The following FMN1 variants were observed in gnomAD, a reference collection of about 807,000 sequenced individuals.
The protein encoded by FMN1 is formin 1.
A neutral mutation model predicts 132.4 loss-of-function variants in FMN1; 110 were observed. The observed-to-expected ratio is 0.83, with a 90% CI of 0.71 to 0.97. FMN1 has a LOEUF of 0.97. Ranked by LOEUF, FMN1 falls within the 50% of genes least tolerant of loss-of-function variation. FMN1 has a pLI of 0.00. For missense variants in FMN1, 1,792 were observed against 1,705.3 expected (o/e 1.05, Z -0.90); for synonymous variants, 722 against 651.7 (o/e 1.11, Z -1.64).
intron 16 of FMN1, among the ~76,000 whole-genome samples, chr15:32,858,083 C>T (rs986149728): frequency 1.3e-5 from 2 of 152,126 alleles, no homozygotes; most frequent in Non-Finnish European, 2.9e-5. Flanking sequence ...ACCTGGGGTT[C>T]ACAAAATAGA....
At chr15:33,011,728 T>C (rs925090381) in intron 6 of FMN1, among the ~76,000 whole-genome samples, 1 of 152,068 alleles carries the variant, frequency 6.6e-6, no homozygotes, top group Non-Finnish European at 1.5e-5. Context: ...CTAGTGTAAA[T>C]ATATAAATGC....
chr15:33,117,954 T>C (rs1416367804), intron 4 of FMN1, among the ~76,000 whole-genome samples: 1 of 152,176 alleles, frequency 6.6e-6, no homozygotes, highest in Non-Finnish European at 1.5e-5. Flanking sequence ...ATAATACTGT[T>C]TTTCGTGTTC....
chr15:32,823,960 T>C (rs2058301557), intron 17 of FMN1, among the ~76,000 whole-genome samples: 1 of 152,238 alleles, frequency 6.6e-6, no homozygotes. Context: ...ATTGGAACAG[T>C]GTGCCCCTGC....
chr15:32,919,377 GC>G (rs1567392033), intron 10 of FMN1, among the ~76,000 whole-genome samples: 1 of 152,080 alleles, frequency 6.6e-6, no homozygotes, highest in African/African-American at 2.4e-5. Context: ...AATGGCACCC[GC>G]CAAGAAGTTG....
At chr15:32,952,152 A>G (rs2140505692) in intron 9 of FMN1, among the ~76,000 whole-genome samples, 1 of 152,292 alleles carries the variant, frequency 6.6e-6, no homozygotes, top group South Asian at 2.1e-4. Flanking sequence ...TAAGTTTTTC[A>G]GATACCTCCA....
rs1286307994 is a variant in FMN1, at chr15:32,798,216, A to ACACACACCC, written c.4130+587_4130+588insGGGTGTGTG. The stretch of plus-strand genomic sequence containing the variant: ...CACACACACACACACACACACACAC[A>ACACACACCC]CCCCGTCTATATTCAGAGTTGAGGT... On this transcript the variant is annotated intron_variant, in intron 19 of 20. Coordinates refer to ENST00000616417, the MANE Select transcript of FMN1 (RefSeq NM_001277313.2). Among the ~76,000 whole-genome samples, 58 of 140,984 alleles carry ACACACACCC rather than the reference A, an allele frequency of 4.1e-4. 1 individual carries two copies. The highest frequency in any genetic ancestry group is 1.4e-3 in the African/African-American group (54 of 38,554). 92.5% of individuals were successfully genotyped at this position (140,984 alleles called of 152,430 possible).
intron 16 of FMN1, among the ~76,000 whole-genome samples, chr15:32,862,326 CTCTT>C (rs1567288175): frequency 6.6e-6 from 1 of 152,130 alleles, no homozygotes; most frequent in African/African-American, 2.4e-5. Context: ...ACCCCAGGTT[CTCTT>C]TCTGTTATTT....
At chr15:33,053,297 G>C (rs909177817) in intron 6 of FMN1, among the ~76,000 whole-genome samples, 1 of 152,166 alleles carries the variant, frequency 6.6e-6, no homozygotes, top group Non-Finnish European at 1.5e-5. Flanking sequence ...CTTTGGGGTC[G>C]CAGGCACCCC....
chr15:33,153,702 AG>A lies in FMN1; in HGVS notation c.1212del (p.Ser405ProfsTer13). Reference sequence around the variant, plus strand: ...GCACTGGCCGACACACTAGAAATGGAGGCTGTTTCCCCGGCTGGCGACTGCG... The same window carrying A: ...GCACTGGCCGACACACTAGAAATGGAGCTGTTTCCCCGGCTGGCGACTGCG... Reference protein sequence around the residue: ...RSSQSPAGETASISSVSASAE... With the variant: ...RSSQSPAGETXSISSVSASAE... On this transcript the variant is annotated frameshift_variant, in exon 4 of 21. Transcript: ENST00000616417. LOFTEE classifies it high-confidence loss of function. 1 of 1,536,306 alleles carries A rather than the reference AG, an allele frequency of 6.5e-7. No homozygotes were observed. The highest frequency in any genetic ancestry group is 8.7e-7 in the Non-Finnish European group (1 of 1,146,964).
At chr15:32,974,515 A>C (rs570918312) in intron 7 of FMN1, among the ~76,000 whole-genome samples, 1 of 152,244 alleles carries the variant, frequency 6.6e-6, no homozygotes, top group East Asian at 1.9e-4. Flanking sequence ...CTAGTGGCAC[A>C]ATTTTTACCT....
In FMN1 at chr15:33,004,674, C is replaced by A. The variant is rs531694193; in HGVS notation, c.2223+3340G>T. The stretch of plus-strand genomic sequence containing the variant: ...AACTAGAAATACCATTTGACCCAGC[C>A]ATCCCATTACTGGGTACATACCCAA... On this transcript the variant is annotated intron_variant, in intron 7 of 20. Coordinates refer to ENST00000616417, the MANE Select transcript of FMN1 (RefSeq NM_001277313.2). Among the ~76,000 whole-genome samples the A allele has an allele frequency of 5.9e-5, 9 of 152,248 alleles. No homozygotes were observed. In the East Asian group the frequency reaches 1.7e-3, roughly 29 times the overall value.
intron 17 of FMN1, among the ~76,000 whole-genome samples, chr15:32,813,382 G>A (rs1195755225): frequency 2.0e-5 from 3 of 152,110 alleles, no homozygotes; most frequent in Admixed American, 2.0e-4. Flanking sequence ...GGATCTAAAT[G>A]AAGTATATTT....
At chr15:32,908,338 G>A in intron 12 of FMN1, 152 bp downstream of exon 12, 2 of 587,916 alleles carry the variant, frequency 3.4e-6, no homozygotes, top group East Asian at 5.7e-5. Flanking sequence ...CGGCAGCAGG[G>A]TCATCCTGCT....
chr15:32,939,740 T>C (rs1186632836), intron 9 of FMN1, among the ~76,000 whole-genome samples: 1 of 152,206 alleles, frequency 6.6e-6, no homozygotes, highest in Non-Finnish European at 1.5e-5. Flanking sequence ...ATACTGTGCT[T>C]GAAAGAAATC....
intron 17 of FMN1, among the ~76,000 whole-genome samples, chr15:32,847,745 C>T (rs1022200021): frequency 1.3e-5 from 2 of 152,072 alleles, no homozygotes; most frequent in African/African-American, 4.8e-5. Context: ...GTCCCAGCTA[C>T]TCGGGAGGCT....
chr15:33,102,117 T>A (rs546940133), intron 4 of FMN1, among the ~76,000 whole-genome samples: 2 of 152,164 alleles, frequency 1.3e-5, no homozygotes, highest in Admixed American at 1.3e-4. Flanking sequence ...TACTACAGCA[T>A]GTGACGCTCC....
At position 33,080,887 on chromosome 15, in the gene FMN1, CA is replaced by C. The variant is rs34365750; in HGVS notation, c.2043+7911del. Among the ~76,000 whole-genome samples the C allele has an allele frequency of 3.1e-3, 374 of 119,668 alleles. 4 individuals carry two copies. The South Asian group carries it at 0.043, about 14-fold the overall frequency. 78.5% of individuals were successfully genotyped at this position (119,668 alleles called of 152,430 possible). ...GGGCAACAAAAGCAAAACTCCGTCT[CA>C]AAAAAAAAAAAAAATTCCAGAGACT... On this transcript the variant is annotated intron_variant, in intron 5 of 20. Transcript: ENST00000616417.
intron 19 of FMN1, among the ~76,000 whole-genome samples, chr15:32,788,729 T>A (rs1484164572): frequency 6.6e-6 from 1 of 152,248 alleles, no homozygotes; most frequent in Non-Finnish European, 1.5e-5. Flanking sequence ...GCTAGGGAAA[T>A]GGAGTGCGGA....
intron 17 of FMN1, among the ~76,000 whole-genome samples, chr15:32,854,765 T>C (rs146759719): frequency 0.19 from 29,499 of 151,666 alleles, 2,976 homozygotes; most frequent in East Asian, 0.33. Flanking sequence ...ATACAAAAAA[T>C]TGGCCGGGTG....
Sources: allele counts gnomAD v4.1 joint callset (sites outside exome capture counted in the v4.1 genomes callset), GRCh38; gene constraint gnomAD v4.1.1; transcripts MANE v1.5; gene names NCBI Gene and HGNC (gene_info 2026-07-23, HGNC 2026-07-21).